Variants in PARD3B observed in about 807,000 individuals in gnomAD.
The protein encoded by PARD3B is par-3 family cell polarity regulator beta.
In PARD3B, 103 loss-of-function variants were observed where a neutral mutation model predicts 130.2. The ratio of observed to expected loss-of-function variants is 0.79; its 90% CI spans 0.67 to 0.93. The LOEUF (loss-of-function observed/expected upper bound fraction) is 0.93. Among genes scored for constraint, PARD3B ranks in the 40% least tolerant of loss-of-function variants. The pLI is 0.00. For synonymous variants in PARD3B, 583 were observed against 553.2 expected, an observed-to-expected ratio of 1.05 and a Z score of -0.76; for missense variants, 1,609 against 1,499.2, an observed-to-expected ratio of 1.07 and a Z score of -1.21.
chr2:205,422,080 G>T (rs1467141518), intron 19 of PARD3B, among the ~76,000 whole-genome samples: 1 of 152,212 alleles, frequency 6.6e-6, no homozygotes, highest in African/African-American at 2.4e-5. Context: ...GTAATGATAG[G>T]AGTATGAAGA....
chr2:205,154,068 C>T (rs1193137437), intron 10 of PARD3B, among the ~76,000 whole-genome samples: 1 of 152,098 alleles, frequency 6.6e-6, no homozygotes, highest in Non-Finnish European at 1.5e-5. Context: ...AACTAAAGAG[C>T]TTCTGCACAG....
chr2:205,478,112 G>A (rs570027678), intron 20 of PARD3B, among the ~76,000 whole-genome samples: 13 of 152,198 alleles, frequency 8.5e-5, no homozygotes, highest in Non-Finnish European at 1.9e-4. Flanking sequence ...ATTACCTCTT[G>A]TCCACAAAGT....
At chr2:204,933,157 A>G (rs1688154954) in intron 2 of PARD3B, among the ~76,000 whole-genome samples, 1 of 152,190 alleles carries the variant, frequency 6.6e-6, no homozygotes, top group Non-Finnish European at 1.5e-5. Flanking sequence ...GTTAGAATTA[A>G]TAGAATTTGT....
intron 2 of PARD3B, among the ~76,000 whole-genome samples, chr2:204,898,566 A>G (rs2046729472): frequency 6.6e-6 from 1 of 152,188 alleles, no homozygotes; most frequent in Non-Finnish European, 1.5e-5. Context: ...AGAATGATCC[A>G]TGTGCTGAGG....
chr2:205,428,438 T>G (rs893666418), intron 19 of PARD3B, among the ~76,000 whole-genome samples: 1 of 152,100 alleles, frequency 6.6e-6, no homozygotes, highest in African/African-American at 2.4e-5. Context: ...TTCTGCCATG[T>G]GAGAGATCCA....
At chr2:205,149,967 A>G (rs1176743892) in intron 10 of PARD3B, among the ~76,000 whole-genome samples, 1 of 152,140 alleles carries the variant, frequency 6.6e-6, no homozygotes, top group Admixed American at 6.5e-5. Context: ...AAAAATTATC[A>G]GGCTTCAAAT....
In PARD3B at chr2:205,121,578, A is replaced by C; in HGVS notation, c.807-13A>C. The stretch of plus-strand genomic sequence containing the variant: ...AAGCAGGGTCATCATACATTTATCA[A>C]CTTTCTTTCCAGGGCTCAAGATGTC... On this transcript the variant is annotated splice_polypyrimidine_tract_variant and intron_variant, in intron 7 of 22. Transcript: ENST00000406610. This position sits in a 1 kb window ranked among gnomAD's most constrained non-coding sequence, Gnocchi z 5.0. 2 of 1,607,452 alleles carry C rather than the reference A, an allele frequency of 1.2e-6. No homozygotes were observed. The highest frequency in any genetic ancestry group is 1.7e-6 in the Non-Finnish European group (2 of 1,175,066).
At chr2:204,663,409 A>G (rs142173978) in intron 1 of PARD3B, among the ~76,000 whole-genome samples, 18 of 152,350 alleles carry the variant, frequency 1.2e-4, no homozygotes, top group African/African-American at 4.3e-4. Flanking sequence ...TTACAATCAT[A>G]TTGGGAAATG....
intron 2 of PARD3B, among the ~76,000 whole-genome samples, chr2:204,764,712 A>ATGTGTGTGTGTGTGTGTGTGTGTG (rs1387737555): frequency 1.3e-3 from 55 of 43,074 alleles, no homozygotes; most frequent in African/African-American, 3.1e-3. Context: ...TCTGGCATGC[A>ATGTGTGTGTGTGTGTGTGTGTGTG]TGCGTGTGTG....
intron 1 of PARD3B, among the ~76,000 whole-genome samples, chr2:204,679,767 T>C (rs546849906): frequency 1.3e-5 from 2 of 152,194 alleles, no homozygotes; most frequent in South Asian, 4.1e-4. Flanking sequence ...TGGTGCCTAT[T>C]CTCAAATGCT....
rs2047062416 is a variant in PARD3B at position 204,907,011 on chromosome 2, T to C, written c.223-58141T>C. Among the ~76,000 whole-genome samples, 1 of 152,100 alleles carries C rather than the reference T, an allele frequency of 6.6e-6. No individual in the cohort carries two copies. The highest frequency in any genetic ancestry group is 6.5e-5 in the Admixed American group (1 of 15,268). Reference sequence around the variant, plus strand: ...TTTTTTTTCTTTTCAGACTGAGTCTTGCTCTGTCGCCCAGGCTGGAGTTCA... The same window carrying C: ...TTTTTTTTCTTTTCAGACTGAGTCTCGCTCTGTCGCCCAGGCTGGAGTTCA... On this transcript the variant is annotated intron_variant, in intron 2 of 22. Coordinates refer to ENST00000406610, the MANE Select transcript of PARD3B (RefSeq NM_001302769.2). This position sits in a 1 kb window ranked among gnomAD's most constrained non-coding sequence, Gnocchi z 5.7.
chr2:205,548,929 A>G (rs976757563), intron 21 of PARD3B, among the ~76,000 whole-genome samples: 1 of 152,132 alleles, frequency 6.6e-6, no homozygotes, highest in African/African-American at 2.4e-5. Context: ...CAAGAAAACA[A>G]CCTAAATAAA....
chr2:204,637,247 A>G (rs888230194), intron 1 of PARD3B, among the ~76,000 whole-genome samples: 14 of 152,150 alleles, frequency 9.2e-5, no homozygotes, highest in African/African-American at 3.4e-4. Flanking sequence ...TTAATATTTT[A>G]TACTCTGTAA....
chr2:204,696,851 G>A (rs2037634022), intron 2 of PARD3B, among the ~76,000 whole-genome samples: 1 of 152,010 alleles, frequency 6.6e-6, no homozygotes, highest in Non-Finnish European at 1.5e-5. Context: ...AGGATCAAGT[G>A]ACATTTTCTT....
At position 205,249,323 on chromosome 2, in the gene PARD3B, C is replaced by T. The variant is rs140262413; in HGVS notation, c.2185+3501C>T. 5.6e-4 allele frequency among the ~76,000 whole-genome samples: 85 copies of T among 152,000 alleles called. No individual in the cohort carries two copies. The East Asian group carries it at 0.011, about 20-fold the overall frequency. On this transcript the variant is annotated intron_variant, in intron 16 of 22. Transcript: ENST00000406610. The stretch of plus-strand genomic sequence containing the variant: ...GTATATACTGACCTAAATCTATCAT[C>T]CAGCCTCTTATTCAAGATGACATTC...
At chr2:204,809,488 GC>G (rs2042889382) in intron 2 of PARD3B, among the ~76,000 whole-genome samples, 1 of 151,994 alleles carries the variant, frequency 6.6e-6, no homozygotes, top group South Asian at 2.1e-4. Flanking sequence ...TGAATCTTCT[GC>G]ATAGAGTTAG....
chr2:205,113,408 G>GTGTT (rs1703789901), intron 5 of PARD3B, 83 bp from the exon 6 acceptor site: 1 of 827,632 alleles, frequency 1.2e-6, no homozygotes, highest in Admixed American at 2.0e-5. Flanking sequence ...GTGTGTGTGT[G>GTGTT]TGTGTGTGTG....
Position 205,421,496 on chromosome 2 carries a change from G to A in PARD3B, c.2742-18874G>A, listed in dbSNP as rs73053984. Among the ~76,000 whole-genome samples the A allele has an allele frequency of 4.6e-3, 696 of 152,196 alleles. 6 individuals are homozygous for A. The highest frequency in any genetic ancestry group is 0.016 in the African/African-American group (663 of 41,524). On this transcript the variant is annotated intron_variant, in intron 19 of 22. Coordinates refer to ENST00000406610, the MANE Select transcript of PARD3B (RefSeq NM_001302769.2). This position sits in a 1 kb window ranked among gnomAD's most constrained non-coding sequence, Gnocchi z 5.1. ...GTTTTTTCTCTTCATATGTTATAGGGTCTGAGGTTTCATCTTTCATATTTC... is the reference window on the plus strand; with the variant it reads ...GTTTTTTCTCTTCATATGTTATAGGATCTGAGGTTTCATCTTTCATATTTC...
At chr2:205,605,051 C>T (rs1483598667) in intron 22 of PARD3B, among the ~76,000 whole-genome samples, 1 of 152,212 alleles carries the variant, frequency 6.6e-6, no homozygotes, top group Non-Finnish European at 1.5e-5. Context: ...TGTTTTTCAG[C>T]TCCATCGGGC....
Sources: gnomAD v4.1 joint callset for allele counts (sites outside exome capture counted in the v4.1 genomes callset) on GRCh38, gnomAD v4.1.1 for gene constraint, Gnocchi (gnomAD v3.1) non-coding constraint, MANE v1.5 for transcripts, NCBI Gene and HGNC (gene_info 2026-07-23, HGNC 2026-07-21) for gene names.